The following PDXK variants were observed in gnomAD, a reference collection of about 807,000 sequenced individuals.
PDXK encodes pyridoxal kinase.
A neutral mutation model predicts 43.2 loss-of-function variants in PDXK; 15 were observed. The observed-to-expected ratio is 0.35, with a 90% confidence interval of 0.23 to 0.53. The LOEUF (loss-of-function observed/expected upper bound fraction) is 0.53, where lower values mean the gene tolerates loss of function less well. PDXK is among the 20% of genes least tolerant of loss of function. The pLI is 0.92. For synonymous variants in PDXK, 172 were observed against 165.4 expected, an observed-to-expected ratio of 1.04 and a Z score of -0.31; for missense variants, 343 against 417.0, an observed-to-expected ratio of 0.82 and a Z score of 1.54.
In PDXK at chr21:43,733,674, C is replaced by T. The variant is rs573236311; in HGVS notation, c.88-395C>T. ...CCCACATTTTCACAGCAGAGACAGC[C>T]TCCCAGCCTCTGTTCAGTGTGTGGA... On this transcript the variant is annotated intron_variant, in intron 1 of 10. Coordinates refer to ENST00000291565, the MANE Select transcript of PDXK (RefSeq NM_003681.5). The T allele has an allele frequency of 2.8e-6, 3 of 1,065,878 alleles. No individual in the cohort carries two copies. In the Admixed American group the frequency reaches 1.5e-4, roughly 52 times the overall value. 66.0% of individuals were successfully genotyped at this position (1,065,878 alleles called of 1,614,324 possible).
rs2083369800 is a variant in PDXK at position 43,734,311 on chromosome 21, G to T, written c.142+188G>T. On this transcript the variant is annotated intron_variant, in intron 2 of 10. Coordinates refer to ENST00000291565, the MANE Select transcript of PDXK (RefSeq NM_003681.5). This position sits in a 1 kb window ranked among gnomAD's most constrained non-coding sequence, Gnocchi z 5.0. ...AGCATATCAGGGTGTAGGCCTGGGTGGCCTCGCCTCTGAGAGGGGTTGTGT... is the reference window on the plus strand; with the variant it reads ...AGCATATCAGGGTGTAGGCCTGGGTTGCCTCGCCTCTGAGAGGGGTTGTGT... Among the ~76,000 whole-genome samples, 2 of 152,092 alleles carry T rather than the reference G, an allele frequency of 1.3e-5. No homozygotes were observed. The highest frequency in any genetic ancestry group is 4.8e-5 in the African/African-American group (2 of 41,420).
In PDXK at chr21:43,723,006, T is replaced by C. The variant is rs2083219973; in HGVS notation, c.87+3625T>C. Among the ~76,000 whole-genome samples the C allele has an allele frequency of 6.6e-6, 1 of 151,468 alleles. No homozygotes were observed. Among genetic ancestry groups the C allele is most frequent in the Non-Finnish European group, 1.5e-5 (1 of 67,886 alleles). On this transcript the variant is annotated intron_variant, in intron 1 of 10. Coordinates refer to ENST00000291565, the MANE Select transcript of PDXK (RefSeq NM_003681.5). This position sits in a 1 kb window ranked among gnomAD's most constrained non-coding sequence, Gnocchi z 4.1. ...GCGCCCGCCACCACGCCTGGCTAAT[T>C]TTTTTGTATTTTTAGTAGAGACGGG...
At position 43,754,644 on chromosome 21, in the gene PDXK, A is replaced by G. The variant is rs2083814949; in HGVS notation, c.759+925A>G. On this transcript the variant is annotated intron_variant, in intron 9 of 10. Transcript: ENST00000291565. This position sits in a 1 kb window ranked among gnomAD's most constrained non-coding sequence, Gnocchi z 5.5. ...TCCGCAGTGGGTTCAGGTGGGAGGG[A>G]GGGGCCTGCCATCCCTTTGGAATGT... is the stretch of plus-strand genomic sequence containing the variant. 6.6e-6 allele frequency among the ~76,000 whole-genome samples: 1 copy of G among 151,874 alleles called. No homozygotes were observed. The highest frequency in any genetic ancestry group is 1.5e-5 in the Non-Finnish European group (1 of 67,934).
chr21:43,728,953 G>A, intron 1 of PDXK: 1 of 985,570 alleles, frequency 1.0e-6, no homozygotes, highest in Non-Finnish European at 1.2e-6. Context: ...CCCCAGGGCA[G>A]AGTGTAGCCA....
chr21:43,737,025 TG>T lies in PDXK; in HGVS notation c.142+2905del. ...CCAGCTCACTGCAGCCTTGACCTCCTGGGCTGAAGCAATCTTTCTGCCTCCA... is the reference window on the plus strand; with the variant it reads ...CCAGCTCACTGCAGCCTTGACCTCCTGGCTGAAGCAATCTTTCTGCCTCCA... On this transcript the variant is annotated intron_variant, in intron 2 of 10. Coordinates refer to ENST00000291565, the MANE Select transcript of PDXK (RefSeq NM_003681.5). This position sits in a 1 kb window ranked among gnomAD's most constrained non-coding sequence, Gnocchi z 4.8. The T allele has an allele frequency of 2.8e-6, 2 of 713,076 alleles. No homozygotes were observed. The highest frequency in any genetic ancestry group is 1.5e-5 in the South Asian group (1 of 67,792). The allele number at this position is 713,076 out of a possible 1,614,324, so 44.2% of individuals were successfully genotyped here.
At chr21:43,748,815 C>T (rs1469683073) in intron 5 of PDXK, among the ~76,000 whole-genome samples, 180 bp from the exon 6 acceptor site, 1 of 152,244 alleles carries the variant, frequency 6.6e-6, no homozygotes, top group Non-Finnish European at 1.5e-5. Flanking sequence ...TAGTGTGCCT[C>T]GGCCACACGC....
intron 4 of PDXK, chr21:43,745,724 T>C (rs757840331): frequency 4.3e-6 from 1 of 232,834 alleles, no homozygotes; most frequent in Non-Finnish European, 8.4e-6. Context: ...AAGCCAAATG[T>C]GGTTGCTCAC....
At chr21:43,746,251 C>A in intron 5 of PDXK, 126 bp downstream of exon 5, 1 of 771,446 alleles carries the variant, frequency 1.3e-6, no homozygotes, top group South Asian at 1.4e-5. Flanking sequence ...GGTAAAAAGA[C>A]AAACCTTGTT....
At chr21:43,752,330 G>A (rs879033967) in intron 7 of PDXK, among the ~76,000 whole-genome samples, 188 bp from the exon 8 acceptor site, 1 of 152,238 alleles carries the variant, frequency 6.6e-6, no homozygotes, top group East Asian at 1.9e-4. Context: ...GGGGATGGTG[G>A]CTGACCAGGT....
At position 43,740,159 on chromosome 21, in the gene PDXK, C is replaced by T. The variant is rs116960023; in HGVS notation, c.143-1508C>T. Among the ~76,000 whole-genome samples the T allele has an allele frequency of 3.5e-3, 532 of 152,194 alleles. 13 individuals carry two copies. In the East Asian group the frequency reaches 0.049, roughly 14 times the overall value. On this transcript the variant is annotated intron_variant, in intron 2 of 10. Coordinates refer to ENST00000291565, the MANE Select transcript of PDXK (RefSeq NM_003681.5). ...CCCAGATGCCGCACTGTGCCTGGAG[C>T]GTGGCTCCTGATGGCAGTCTCAGGA...
rs199611672 is a variant in PDXK at position 43,746,414 on chromosome 21, T to TTTTCTTTTC, written c.378+301_378+309dup. Among the ~76,000 whole-genome samples, 634 of 152,196 alleles carry TTTTCTTTTC rather than the reference T, an allele frequency of 4.2e-3. 7 individuals are homozygous for TTTTCTTTTC. The highest frequency in any genetic ancestry group is 0.015 in the African/African-American group (615 of 41,522). ...AGAGGTGTACAAACATGATGACTTCTTTTCTTTTCTTTCTTTTCTTATTGA... is the reference window on the plus strand; with the variant it reads ...AGAGGTGTACAAACATGATGACTTCTTTTCTTTTCTTTCTTTTCTTTCTTTTCTTATTGA... On this transcript the variant is annotated intron_variant, in intron 5 of 10. Coordinates refer to ENST00000291565, the MANE Select transcript of PDXK (RefSeq NM_003681.5).
chr21:43,737,187 T>C lies in PDXK; in HGVS notation c.142+3064T>C, dbSNP rs117318714. The C allele has an allele frequency of 4.4e-4, 643 of 1,447,438 alleles. 3 individuals carry two copies. The East Asian group carries it at 9.2e-3, about 21-fold the overall frequency. The allele number at this position is 1,447,438 out of a possible 1,614,324, so 89.7% of individuals were successfully genotyped here. On this transcript the variant is annotated intron_variant, in intron 2 of 10. Coordinates refer to ENST00000291565, the MANE Select transcript of PDXK (RefSeq NM_003681.5). The surrounding 1 kb of genome is among the most constrained non-coding windows in gnomAD (Gnocchi z 4.8). ...CAGACTCCCGGCAGGGACACGGGTG[T>C]TCCACACAAGCTGCGTTGTTGGTTC...
At position 43,735,996 on chromosome 21, in the gene PDXK, G is replaced by A. The variant is rs1040401372; in HGVS notation, c.142+1873G>A. 3.3e-5 allele frequency among the ~76,000 whole-genome samples: 5 copies of A among 152,210 alleles called. No individual in the cohort carries two copies. The highest frequency in any genetic ancestry group is 5.9e-5 in the Non-Finnish European group (4 of 68,032). On this transcript the variant is annotated intron_variant, in intron 2 of 10. Transcript: ENST00000291565. This position sits in a 1 kb window ranked among gnomAD's most constrained non-coding sequence, Gnocchi z 5.3. ...CAAGACGGGGGACTCGGCCTCCTCC[G>A]TGCAGCCCCTCAGCCCCTCTGGGCT...
In PDXK at chr21:43,733,934, C is replaced by T. The variant is rs1045580464; in HGVS notation, c.88-135C>T. 39 of 791,620 alleles carry T rather than the reference C, an allele frequency of 4.9e-5. 1 individual carries two copies. The Admixed American group carries it at 7.5e-4, about 15-fold the overall frequency. The allele number at this position is 791,620 out of a possible 1,614,324, so 49.0% of individuals were successfully genotyped here. On this transcript the variant is annotated intron_variant, in intron 1 of 10. Coordinates refer to ENST00000291565, the MANE Select transcript of PDXK (RefSeq NM_003681.5). Reference sequence around the variant, plus strand: ...GAGCCTCCTGCTCTGATGCGTCAGCCCTCCAGCCTGCAGCTGGGGGCCCCG... The same window carrying T: ...GAGCCTCCTGCTCTGATGCGTCAGCTCTCCAGCCTGCAGCTGGGGGCCCCG...
rs777643796 is a variant in PDXK at position 43,755,917 on chromosome 21, G to A, written c.827-34G>A. The A allele has an allele frequency of 1.9e-6, 3 of 1,546,186 alleles. No homozygotes were observed. The Admixed American group carries it at 5.1e-5, about 26-fold the overall frequency. On this transcript the variant is annotated intron_variant, in intron 10 of 10. Transcript: ENST00000291565. ...GGGGCAACAGCGGGAGCCCCTCTGAGATGGGAACTCAGTGCTCTCTGCCTG... is the reference window on the plus strand; with the variant it reads ...GGGGCAACAGCGGGAGCCCCTCTGAAATGGGAACTCAGTGCTCTCTGCCTG...
chr21:43,735,230 C>A lies in PDXK; in HGVS notation c.142+1107C>A, dbSNP rs535786360. Among the ~76,000 whole-genome samples the A allele has an allele frequency of 6.6e-6, 1 of 152,358 alleles. No individual in the cohort carries two copies. The highest frequency in any genetic ancestry group is 1.9e-4 in the East Asian group (1 of 5,188). On this transcript the variant is annotated intron_variant, in intron 2 of 10. Transcript: ENST00000291565. This position sits in a 1 kb window ranked among gnomAD's most constrained non-coding sequence, Gnocchi z 5.3. ...AGCCTCCCTGAACCCACATGTCCTT[C>A]CTGGCTGCTCTCGCCATCCTCCTTT...
intron 2 of PDXK, among the ~76,000 whole-genome samples, chr21:43,736,629 G>GTTTTTTTTTT (rs34234452): frequency 5.9e-5 from 7 of 118,646 alleles, no homozygotes; most frequent in African/African-American, 2.4e-4. Context: ...TCCTTTTTCT[G>GTTTTTTTTTT]TTTTTTTTTT....
chr21:43,750,733 A>G (rs1027391929), intron 7 of PDXK, among the ~76,000 whole-genome samples, 188 bp downstream of exon 7: 19 of 150,404 alleles, frequency 1.3e-4, no homozygotes, highest in East Asian at 3.9e-4. Context: ...ATGTTTGTGC[A>G]TGTGTGTGTG....
intron 9 of PDXK, among the ~76,000 whole-genome samples, chr21:43,755,312 C>G (rs2083827528): frequency 6.6e-6 from 1 of 152,164 alleles, no homozygotes; most frequent in African/African-American, 2.4e-5. Context: ...GACTCTGAGG[C>G]ATCACTGAGT....
Sources: allele counts gnomAD v4.1 joint callset (sites outside exome capture counted in the v4.1 genomes callset), GRCh38; gene constraint gnomAD v4.1.1; non-coding constraint Gnocchi (gnomAD v3.1); transcripts MANE v1.5; gene names NCBI Gene and HGNC (gene_info 2026-07-23, HGNC 2026-07-21).